NGDN: variants seen among roughly 807,000 people sequenced by gnomAD.
The protein encoded by NGDN is EIF4E-binding protein.
NGDN carries 41 observed loss-of-function variants against 45.2 expected under a neutral mutation model. The observed-to-expected ratio is 0.91, with a 90% CI of 0.71 to 1.18. NGDN has a LOEUF of 1.18. Among genes scored for constraint, NGDN ranks in the 50% most tolerant of loss-of-function variants. The pLI, the probability that NGDN is intolerant of heterozygous loss-of-function variation, is 0.00. For synonymous variants in NGDN, 137 were observed against 130.9 expected (o/e 1.05, Z -0.32); for missense variants, 402 against 399.9 (o/e 1.01, Z -0.05).
Position 23,469,736 on chromosome 14 carries a change from G to T in NGDN, c.12+9G>T, listed in dbSNP as rs760347259. ...CGAAGATGGCGGCGCTGGTGAGTTTGGTGTGGTTTCTTCCTCGCGTAGCTA... is the reference window on the plus strand; with the variant it reads ...CGAAGATGGCGGCGCTGGTGAGTTTTGTGTGGTTTCTTCCTCGCGTAGCTA... On this transcript the variant is annotated intron_variant, in intron 1 of 10. Transcript: ENST00000408901. The T allele has an allele frequency of 1.9e-6, 3 of 1,614,040 alleles. No homozygotes were observed. In the African/African-American group the frequency reaches 4.0e-5, roughly 22 times the overall value.
At position 23,470,921 on chromosome 14, in the gene NGDN, G is replaced by A; in HGVS notation, c.88G>A (p.Ala30Thr). The part of the protein sequence containing the change: ...NLQEQVMAVT[A>T]QVKSLTQKVQ... Reference sequence around the variant, plus strand: ...CTAATTTCAGGTGATGGCTGTAACTGCACAAGTGAAATCACTGACACAAAA... The same window carrying A: ...CTAATTTCAGGTGATGGCTGTAACTACACAAGTGAAATCACTGACACAAAA... The change falls in exon 3 of 11, where the codon GCA becomes ACA. Residue 30 changes from alanine (A) to threonine (T), a missense_variant. Physicochemically the swap from Ala to Thr is moderately conservative, Grantham distance 58. Coordinates refer to ENST00000408901, the MANE Select transcript of NGDN (RefSeq NM_001042635.2). The A allele has an allele frequency of 6.4e-7, 1 of 1,571,788 alleles. No individual in the cohort carries two copies. The highest frequency in any genetic ancestry group is 1.4e-5 in the African/African-American group (1 of 72,412).
rs139604941 is a variant in NGDN, at chr14:23,470,057, G to A, written c.28G>A (p.Asp10Asn). 4 of 1,613,910 alleles carry A rather than the reference G, an allele frequency of 2.5e-6. No homozygotes were observed. Among genetic ancestry groups the A allele is most frequent in the African/African-American group, 1.3e-5 (1 of 75,000 alleles). MAALGVLES[D>N]LPSAVTLLKN... ...CCTTCTGTAGGGGGTGCTGGAGTCC[G>A]ACCTGCCAAGTGCCGTGACACTTCT... The change falls in exon 2 of 11, where the codon GAC becomes AAC. Residue 10 changes from aspartate to asparagine, a missense_variant. Physicochemically the swap from Asp to Asn is conservative, Grantham distance 23. Coordinates refer to ENST00000408901, the MANE Select transcript of NGDN (RefSeq NM_001042635.2).
At chr14:23,477,424 A>T in intron 9 of NGDN, 68 bp downstream of exon 9, 1 of 1,612,364 alleles carries the variant, frequency 6.2e-7, no homozygotes, top group Non-Finnish European at 8.5e-7. Context: ...TGTGGGGCTT[A>T]TTACCATGAG....
intron 3 of NGDN, 76 bp from the exon 4 acceptor site, chr14:23,475,095 C>A: frequency 6.9e-7 from 1 of 1,450,342 alleles, no homozygotes; most frequent in Non-Finnish European, 9.3e-7. Context: ...GGAAAAACAT[C>A]CCGTTTACCC....
At chr14:23,477,901 A>G in intron 10 of NGDN, 106 bp from the exon 11 acceptor site, 2 of 1,608,754 alleles carry the variant, frequency 1.2e-6, no homozygotes, top group Non-Finnish European at 1.7e-6. Context: ...GGTACTGCCT[A>G]GGAGACCCCA....
At position 23,476,341 on chromosome 14, in the gene NGDN, C is replaced by T; in HGVS notation, c.647C>T (p.Ala216Val). Residue 216 changes from alanine to valine, a missense_variant, in exon 8 of 11, where the codon GCT becomes GTT. Ala to Val is a moderately conservative substitution (Grantham distance 64, BLOSUM62 0). Coordinates refer to ENST00000408901, the MANE Select transcript of NGDN (RefSeq NM_001042635.2). ...IRELKEQYSDAPEEIRDARHP... is the reference protein window; with the variant it reads ...IRELKEQYSDVPEEIRDARHP... ...GAACTTAAGGAGCAGTACTCAGATGCTCCAGAGGAAATCCGTGATGCTCGG... is the reference window on the plus strand; with the variant it reads ...GAACTTAAGGAGCAGTACTCAGATGTTCCAGAGGAAATCCGTGATGCTCGG... 6.2e-7 allele frequency: 1 copy of T among 1,613,720 alleles called. No individual in the cohort carries two copies. The highest frequency in any genetic ancestry group is 1.3e-5 in the African/African-American group (1 of 75,024).
intron 3 of NGDN, among the ~76,000 whole-genome samples, chr14:23,472,182 TA>T (rs78085081): frequency 0.051 from 4,167 of 82,060 alleles, 100 homozygotes; most frequent in African/African-American, 0.13. Context: ...GAGACTGTCT[TA>T]AAAAAAAAAA....
intron 3 of NGDN, among the ~76,000 whole-genome samples, chr14:23,474,667 T>C (rs573755062): frequency 4.6e-5 from 7 of 152,350 alleles, no homozygotes; most frequent in African/African-American, 7.2e-5. Context: ...TATATATAAA[T>C]CATTGTTTTT....
chr14:23,477,427 A>T (rs1893929719), intron 9 of NGDN, 71 bp downstream of exon 9: 1 of 1,612,044 alleles, frequency 6.2e-7, no homozygotes, highest in Non-Finnish European at 8.5e-7. Flanking sequence ...GGGGCTTATT[A>T]CCATGAGGAA....
At chr14:23,477,883 A>C in intron 10 of NGDN, 124 bp from the exon 11 acceptor site, 1 of 1,574,044 alleles carries the variant, frequency 6.4e-7, no homozygotes, top group South Asian at 1.2e-5. Flanking sequence ...TCCTGGGAAG[A>C]TATTCAGGGT....
At chr14:23,477,612 A>C (rs775904947) in intron 10 of NGDN, 52 bp downstream of exon 10, 2 of 1,610,304 alleles carry the variant, frequency 1.2e-6, no homozygotes, top group Admixed American at 1.7e-5. Context: ...GGGAGTACAA[A>C]TTGAGTCTCT....
At chr14:23,473,383 T>A (rs1476332424) in intron 3 of NGDN, among the ~76,000 whole-genome samples, 1 of 152,236 alleles carries the variant, frequency 6.6e-6, no homozygotes, top group East Asian at 1.9e-4. Flanking sequence ...ATATATTTGT[T>A]TATTTATTGA....
chr14:23,478,258 AT>A (rs35994496), downstream of NGDN: 154 of 434,920 alleles, frequency 3.5e-4, 1 homozygote, highest in African/African-American at 1.2e-3. Flanking sequence ...GAAAAGGGAA[AT>A]TTTTTTTGGA....
chr14:23,478,213 C>T (rs1441760394), downstream of NGDN: 4 of 518,456 alleles, frequency 7.7e-6, no homozygotes, highest in East Asian at 6.6e-5. Flanking sequence ...CGACTGGAGT[C>T]GTTGGGTTTG....
chr14:23,472,864 A>G lies in NGDN; in HGVS notation c.144+1887A>G, dbSNP rs182171270. 7.9e-4 allele frequency among the ~76,000 whole-genome samples: 121 copies of G among 152,348 alleles called. 1 individual carries two copies. The highest frequency in any genetic ancestry group is 2.9e-3 in the African/African-American group (119 of 41,578). On this transcript the variant is annotated intron_variant, in intron 3 of 10. Coordinates refer to ENST00000408901, the MANE Select transcript of NGDN (RefSeq NM_001042635.2). ...ACTTATGTTCTTATTGTCCATTTTTATTTAAAAAAAATTTAAATCTTTGTT... is the reference window on the plus strand; with the variant it reads ...ACTTATGTTCTTATTGTCCATTTTTGTTTAAAAAAAATTTAAATCTTTGTT...
intron 3 of NGDN, among the ~76,000 whole-genome samples, chr14:23,473,230 C>G (rs1158989955): frequency 1.3e-5 from 2 of 152,018 alleles, no homozygotes; most frequent in Admixed American, 1.3e-4. Flanking sequence ...AACTCCTGAC[C>G]TCAGGTGATC....
chr14:23,475,441 C>A, intron 4 of NGDN, 117 bp from the exon 5 acceptor site: 1 of 1,344,366 alleles, frequency 7.4e-7, no homozygotes. Flanking sequence ...TTTTTCTATT[C>A]ATTTGCTCTA....
chr14:23,473,455 A>C (rs953261762), intron 3 of NGDN, among the ~76,000 whole-genome samples: 1 of 152,210 alleles, frequency 6.6e-6, no homozygotes, highest in Non-Finnish European at 1.5e-5. Flanking sequence ...TATAGGTTAC[A>C]AAGTTCTTTC....
chr14:23,475,901 T>A, intron 6 of NGDN, 123 bp downstream of exon 6: 1 of 1,462,764 alleles, frequency 6.8e-7, no homozygotes. Context: ...TGTGTTAGAA[T>A]GCTGAGTTTG....
Sources: allele counts gnomAD v4.1 joint callset (sites outside exome capture counted in the v4.1 genomes callset), GRCh38; gene constraint gnomAD v4.1.1; transcripts MANE v1.5; gene names NCBI Gene and HGNC (gene_info 2026-07-23, HGNC 2026-07-21).